The following TET2 variants were observed in gnomAD, a reference collection of about 807,000 sequenced individuals.
The protein encoded by TET2 is methylcytosine dioxygenase TET2.
Under a neutral mutation model 142.9 loss-of-function variants are expected in TET2, and 299 were observed. The observed-to-expected ratio is 2.09, with a 90% confidence interval of 1.90 to 2.30. The LOEUF (loss-of-function observed/expected upper bound fraction) is 2.30. Among genes scored for constraint, TET2 ranks in the 30% most tolerant of loss-of-function variants. The pLI is 0.00. For synonymous variants in TET2, 819 were observed against 849.0 expected (o/e 0.96, Z 0.61); for missense variants, 2,418 against 2,378.0 (o/e 1.02, Z -0.35).
In TET2 at chr4:105,275,507, C is replaced by T; in HGVS notation, c.4997C>T (p.Pro1666Leu). 1.3e-6 allele frequency: 2 copies of T among 1,551,682 alleles called. No homozygotes were observed. Among genetic ancestry groups the T allele is most frequent in the Non-Finnish European group, 1.7e-6 (2 of 1,146,982 alleles). The part of the protein sequence containing the change: ...MDLYRYPSQD[P>L]LSKLSLPPIH... ...CTGTATAGGTATCCAAGCCAAGACC[C>T]TCTGTCTAAGCTCAGTCTACCACCC... The change falls in exon 11 of 11, where the codon CCT (proline) becomes CTT (leucine). Residue 1666 changes from proline to leucine, a missense_variant. Pro to Leu is a moderately conservative substitution (Grantham distance 98). Coordinates refer to ENST00000380013, the MANE Select transcript of TET2 (RefSeq NM_001127208.3).
rs968697689 is a variant in TET2 at position 105,241,249 on chromosome 4, A to G, written c.3410-90A>G. ...TTTAAAGTCACTTTTAGAGCCCTTA[A>G]TGTGTAGTTGGGGGTTAAGCTTTGT... On this transcript the variant is annotated intron_variant, in intron 3 of 10. Coordinates refer to ENST00000380013, the MANE Select transcript of TET2 (RefSeq NM_001127208.3). 3.5e-6 allele frequency: 5 copies of G among 1,416,358 alleles called. No homozygotes were observed. In the African/African-American group the frequency reaches 5.8e-5, roughly 16 times the overall value. 87.7% of individuals were successfully genotyped at this position (1,416,358 alleles called of 1,614,324 possible).
chr4:105,259,818 C>T (rs775844230), intron 7 of TET2, 49 bp downstream of exon 7: 11 of 1,523,616 alleles, frequency 7.2e-6, no homozygotes, highest in Non-Finnish European at 9.7e-6. Flanking sequence ...ATAGAGAATT[C>T]ATTAGCTTAG....
intron 7 of TET2, 27 bp downstream of exon 7, chr4:105,259,796 G>T: frequency 6.5e-7 from 1 of 1,541,376 alleles, no homozygotes; most frequent in South Asian, 1.2e-5. Flanking sequence ...ATGTATAATC[G>T]CTTTATTTTT....
At position 105,235,459 on chromosome 4, in the gene TET2, G is replaced by A. The variant is rs748482038; in HGVS notation, c.1517G>A (p.Arg506Lys). The change falls in exon 3 of 11, where the codon AGA becomes AAA. Residue 506 changes from arginine to lysine, a missense_variant. Transcript: ENST00000380013. ...MTVPLCSEKT[R>K]PMSEHLKHNP... ...GTTCCATTGTGTTCTGAGAAAACAA[G>A]ACCAATGTCAGAACACCTCAAGCAT... is the stretch of plus-strand genomic sequence containing the variant. 1.4e-5 allele frequency: 22 copies of A among 1,614,124 alleles called. No homozygotes were observed. The East Asian group carries it at 4.7e-4, about 34-fold the overall frequency.
chr4:105,239,067 G>GTTTTTTTTTTTT, intron 3 of TET2: 1 of 92,636 alleles, frequency 1.1e-5, no homozygotes, highest in Non-Finnish European at 2.1e-5. Context: ...TTTTGGTTTT[G>GTTTTTTTTTTTT]TTTTTTGTTT....
intron 1 of TET2, among the ~76,000 whole-genome samples, chr4:105,169,208 A>G (rs1404654009): frequency 6.6e-6 from 1 of 152,190 alleles, no homozygotes; most frequent in Admixed American, 6.5e-5. Context: ...CCAGCAGTGT[A>G]GAAGTGTTCT....
intron 2 of TET2, among the ~76,000 whole-genome samples, chr4:105,199,385 G>A (rs1168855845): frequency 1.3e-5 from 2 of 152,118 alleles, no homozygotes; most frequent in Admixed American, 6.5e-5. Context: ...GCTGATGAAT[G>A]AATCTCTACT....
chr4:105,217,266 G>A (rs1439319497), intron 2 of TET2, among the ~76,000 whole-genome samples: 5 of 152,010 alleles, frequency 3.3e-5, no homozygotes, highest in East Asian at 3.8e-4. Flanking sequence ...CATTAGAACA[G>A]CAATATAACT....
At chr4:105,256,139 T>C (rs988233905) in intron 6 of TET2, among the ~76,000 whole-genome samples, 1 of 152,156 alleles carries the variant, frequency 6.6e-6, no homozygotes, top group Non-Finnish European at 1.5e-5. Flanking sequence ...TTAAATCAAA[T>C]ATGAGAAAAA....
At chr4:105,185,865 T>C (rs761134803) in intron 1 of TET2, among the ~76,000 whole-genome samples, 1 of 152,096 alleles carries the variant, frequency 6.6e-6, no homozygotes. Context: ...AAGGAAAATA[T>C]GTTTAGGAAT....
At chr4:105,161,537 AAC>A (rs1723858845) in intron 1 of TET2, among the ~76,000 whole-genome samples, 1 of 152,182 alleles carries the variant, frequency 6.6e-6, no homozygotes, top group Non-Finnish European at 1.5e-5. Context: ...GCCATTACTG[AAC>A]ACTCTCGAGC....
Position 105,278,171 on chromosome 4 carries a change from C to CATATATATAT in TET2, c.*1675_*1684dup, listed in dbSNP as rs61328453. On this transcript the variant is annotated 3_prime_UTR_variant, in exon 11 of 11. Coordinates refer to ENST00000380013, the MANE Select transcript of TET2 (RefSeq NM_001127208.3). ...GTACTGTAAAAAAATTAAATATATA[C>CATATATATAT]ATATATATATATATATATATATATA... The CATATATATAT allele has an allele frequency of 0.011, 1,212 of 114,028 alleles. 63 individuals are homozygous for CATATATATAT. Among genetic ancestry groups the CATATATATAT allele is most frequent in the African/African-American group, 0.036 (889 of 24,372 alleles). 7.1% of individuals were successfully genotyped at this position (114,028 alleles called of 1,614,324 possible).
Position 105,276,857 on chromosome 4 carries a change from A to T in TET2, c.*338A>T. 1 of 168,138 alleles carries T rather than the reference A, an allele frequency of 5.9e-6. No homozygotes were observed. The highest frequency in any genetic ancestry group is 1.1e-5 in the Non-Finnish European group (1 of 87,614). 10.4% of individuals were successfully genotyped at this position (168,138 alleles called of 1,614,324 possible). On this transcript the variant is annotated 3_prime_UTR_variant, in exon 11 of 11. Transcript: ENST00000380013. ...ATGTGATCCCCCCCCCCCGCTTACA[A>T]CTCTACACATCTGTGACCACTTTTA...
intron 5 of TET2, 79 bp from the exon 6 acceptor site, chr4:105,243,491 C>A: frequency 8.1e-7 from 1 of 1,238,112 alleles, no homozygotes; most frequent in Middle Eastern, 2.1e-4. Flanking sequence ...TACATAAGTG[C>A]CCTTATCTGC....
rs2110231793 is a variant in TET2 at position 105,236,074 on chromosome 4, A to G, written c.2132A>G (p.Glu711Gly). ...TTGAATCAACAGGCTTCAGAGACTG[A>G]GCCATTTTCAAACTCACACCTTTTG... ...QHLNQQASET[E>G]PFSNSHLLQH... Residue 711 changes from glutamate to glycine, a missense_variant, in exon 3 of 11, where the codon GAG (glutamate) becomes GGG (glycine). Physicochemically the swap from Glu to Gly is moderately conservative, Grantham distance 98 (BLOSUM62 -2). Transcript: ENST00000380013. 4 of 1,614,170 alleles carry G rather than the reference A, an allele frequency of 2.5e-6. No homozygotes were observed. The highest frequency in any genetic ancestry group is 2.5e-6 in the Non-Finnish European group (3 of 1,180,022).
intron 2 of TET2, among the ~76,000 whole-genome samples, chr4:105,195,912 A>T (rs1317513843): frequency 1.3e-5 from 2 of 152,092 alleles, no homozygotes; most frequent in African/African-American, 4.8e-5. Context: ...TCTTCTCAAG[A>T]TCTTGACTCC....
chr4:105,189,978 T>C, intron 1 of TET2, among the ~76,000 whole-genome samples: 1 of 152,178 alleles, frequency 6.6e-6, no homozygotes, highest in Non-Finnish European at 1.5e-5. Context: ...TCCTCTTAGC[T>C]CAACAAGTCA....
chr4:105,244,354 G>T (rs1339446738), intron 6 of TET2, among the ~76,000 whole-genome samples: 3 of 152,072 alleles, frequency 2.0e-5, no homozygotes. Flanking sequence ...ACTGGATATG[G>T]ATATATATTA....
At chr4:105,189,492 A>C (rs1038222427) in intron 1 of TET2, among the ~76,000 whole-genome samples, 1 of 151,108 alleles carries the variant, frequency 6.6e-6, no homozygotes, top group Non-Finnish European at 1.5e-5. Context: ...AGTCAGAGAG[A>C]GCTTTTTAAT....
Sources: gnomAD v4.1 joint callset for allele counts (sites outside exome capture counted in the v4.1 genomes callset) on GRCh38, gnomAD v4.1.1 for gene constraint, MANE v1.5 for transcripts, NCBI Gene and HGNC (gene_info 2026-07-23, HGNC 2026-07-21) for gene names.